LRRC31: variants seen among roughly 807,000 people sequenced by gnomAD.
LRRC31 encodes the protein leucine-rich repeat-containing protein 31.
Under a neutral mutation model 46.7 loss-of-function variants are expected in LRRC31, and 35 were observed. The ratio of observed to expected loss-of-function variants is 0.75; its 90% CI spans 0.57 to 0.99. LRRC31 has a LOEUF of 0.99. Among genes scored for constraint, LRRC31 ranks in the 50% least tolerant of loss-of-function variants. The pLI, the probability that LRRC31 is intolerant of heterozygous loss-of-function variation, is 0.00. For synonymous variants in LRRC31, 236 were observed against 235.1 expected (o/e 1.00, Z -0.03); for missense variants, 613 against 626.1 (o/e 0.98, Z 0.22).
rs757498450 is a variant in LRRC31, at chr3:169,860,726, C to A, written c.322G>T (p.Ala108Ser). The change falls in exon 3 of 9, where the codon GCC becomes TCC. Residue 108 changes from alanine to serine, a missense_variant and splice_region_variant. By Grantham distance (99) the Ala-to-Ser change is moderately conservative. Transcript: ENST00000316428. ...AAGTCTGGGAGAAAAGGCAGCAAGGCAACTAGAAGTGAACAGAAGAAAATA... is the reference window on the plus strand; with the variant it reads ...AAGTCTGGGAGAAAAGGCAGCAAGGAAACTAGAAGTGAACAGAAGAAAATA... ...LTTADMKEMV[A>S]LLPFLPDLEE... The A allele has an allele frequency of 6.2e-7, 1 of 1,613,718 alleles. No homozygotes were observed.
At chr3:169,848,095 C>A (rs767419733) in intron 8 of LRRC31, 25 bp downstream of exon 8, 2 of 1,599,400 alleles carry the variant, frequency 1.3e-6, no homozygotes, top group South Asian at 2.2e-5. Flanking sequence ...TTGCCAAGAC[C>A]GCTTGGGAAC....
chr3:169,867,703 A>T (rs1459213458), intron 1 of LRRC31, among the ~76,000 whole-genome samples: 2 of 152,200 alleles, frequency 1.3e-5, no homozygotes, highest in Non-Finnish European at 2.9e-5. Flanking sequence ...GACTATGGGG[A>T]TTCTTTATTC....
In LRRC31 at chr3:169,848,227, A is replaced by C. The variant is rs904053845; in HGVS notation, c.1220T>G (p.Val407Gly). Reference sequence around the variant, plus strand: ...CAGAAGCAGCTTCAAGTTGCCACCAACACACTTGTTCCAAGAAAGGTTGAA... The same window carrying C: ...CAGAAGCAGCTTCAAGTTGCCACCACCACACTTGTTCCAAGAAAGGTTGAA... ...EVFNLSWNKCVGGNLKLLLET... is the reference protein window; with the variant it reads ...EVFNLSWNKCGGGNLKLLLET... The change falls in exon 8 of 9, where the codon GTT (valine) becomes GGT (glycine). Residue 407 changes from valine to glycine, a missense_variant. Transcript: ENST00000316428. 6.2e-7 allele frequency: 1 copy of C among 1,614,076 alleles called. No homozygotes were observed. Among genetic ancestry groups the C allele is most frequent in the Non-Finnish European group, 8.5e-7 (1 of 1,180,032 alleles).
At chr3:169,860,388 C>T (rs1409703161) in intron 3 of LRRC31, among the ~76,000 whole-genome samples, 173 bp downstream of exon 3, 2 of 151,820 alleles carry the variant, frequency 1.3e-5, no homozygotes, top group African/African-American at 4.8e-5. Flanking sequence ...CCACCACACC[C>T]GGCTAACTTT....
intron 8 of LRRC31, among the ~76,000 whole-genome samples, chr3:169,841,311 G>A (rs982824380): frequency 6.6e-6 from 1 of 152,176 alleles, no homozygotes; most frequent in African/African-American, 2.4e-5. Context: ...CAACAGCCAG[G>A]TCTCCCTTAA....
rs1034662624 is a variant in LRRC31 at position 169,839,916 on chromosome 3, G to A, written c.*66C>T. The stretch of plus-strand genomic sequence containing the variant: ...AAGTTGAAATTCAGTTCATGACTCT[G>A]GAATTCGTTCATGTTCTTTTCCTTT... On this transcript the variant is annotated 3_prime_UTR_variant, in exon 9 of 9. Coordinates refer to ENST00000316428, the MANE Select transcript of LRRC31 (RefSeq NM_024727.4). The A allele has an allele frequency of 1.5e-6, 2 of 1,305,966 alleles. No individual in the cohort carries two copies. The highest frequency in any genetic ancestry group is 1.5e-5 in the African/African-American group (1 of 67,598). 80.9% of individuals were successfully genotyped at this position (1,305,966 alleles called of 1,614,324 possible). A position where few individuals can be genotyped will look rare whatever the true frequency, so the allele number is the denominator to read the frequency against.
chr3:169,857,317 CCT>C lies in LRRC31; in HGVS notation c.488-447_488-446del, dbSNP rs1491346950. On this transcript the variant is annotated intron_variant, in intron 3 of 8. Transcript: ENST00000316428. ...TCTCCAATGTCAAGAATATCACATGCCTATATATATATATATATATATATATA... is the reference window on the plus strand; with the variant it reads ...TCTCCAATGTCAAGAATATCACATGCATATATATATATATATATATATATA... Among the ~76,000 whole-genome samples the C allele has an allele frequency of 5.1e-3, 285 of 55,566 alleles. 5 individuals are homozygous for C. Among genetic ancestry groups the C allele is most frequent in the African/African-American group, 0.017 (268 of 15,422 alleles). 36.5% of individuals were successfully genotyped at this position (55,566 alleles called of 152,430 possible). A position where few individuals can be genotyped will look rare whatever the true frequency, so the allele number is the denominator to read the frequency against.
intron 6 of LRRC31, chr3:169,853,156 T>G: frequency 1.2e-5 from 11 of 935,732 alleles, no homozygotes; most frequent in Non-Finnish European, 1.4e-5. Context: ...CGAAGCTCCC[T>G]GAGAGTTGGG....
rs1203417420 is a variant in LRRC31 at position 169,840,297 on chromosome 3, C to T, written c.1344G>A (p.Thr448=). The change falls in exon 9 of 9, where the codon ACG becomes ACA. Residue 448 remains threonine (T), a synonymous_variant. Transcript: ENST00000316428. ...GCTTTTGCAGTTTGGCCAGATGACC[C>T]GTCTGTATGACCGATGCTGGAAAAC... ...DVALLASVIQ[T]GHLAKLQKLD... is the part of the protein sequence containing the mutation. 7 of 1,614,052 alleles carry T rather than the reference C, an allele frequency of 4.3e-6. No individual in the cohort carries two copies. Among genetic ancestry groups the T allele is most frequent in the African/African-American group, 2.7e-5 (2 of 75,018 alleles).
At chr3:169,844,946 AAAC>A (rs1361084913) in intron 8 of LRRC31, among the ~76,000 whole-genome samples, 3,955 of 143,290 alleles carry the variant, frequency 0.028, 34 homozygotes, top group South Asian at 0.04. Context: ...AAAAAAAAAA[AAAC>A]AAAACAAAAC....
chr3:169,865,852 G>A (rs1478211299), intron 1 of LRRC31, among the ~76,000 whole-genome samples: 2 of 152,028 alleles, frequency 1.3e-5, no homozygotes, highest in South Asian at 2.1e-4. Context: ...GGGATAAGTC[G>A]GGGGGTTGCA....
In LRRC31 at chr3:169,851,678, G is replaced by A. The variant is rs754681175; in HGVS notation, c.1100C>T (p.Ala367Val). 1 of 1,614,172 alleles carries A rather than the reference G, an allele frequency of 6.2e-7. No individual in the cohort carries two copies. The highest frequency in any genetic ancestry group is 1.1e-5 in the South Asian group (1 of 91,088). ...NLLSRLRFLP[A>V]LKSLVINNCA... is the part of the protein sequence containing the mutation. Reference sequence around the variant, plus strand: ...GTTGTTGATAACTAATGACTTCAATGCTGGTAAAAATCGGAGCCTGCTGAG... The same window carrying A: ...GTTGTTGATAACTAATGACTTCAATACTGGTAAAAATCGGAGCCTGCTGAG... Residue 367 changes from alanine to valine, a missense_variant, in exon 7 of 9, where the codon GCA (alanine) becomes GTA (valine). By Grantham distance (64) the Ala-to-Val change is moderately conservative. Transcript: ENST00000316428.
intron 8 of LRRC31, among the ~76,000 whole-genome samples, chr3:169,845,967 T>TA (rs1335958838): frequency 6.6e-6 from 1 of 152,182 alleles, no homozygotes; most frequent in African/African-American, 2.4e-5. Flanking sequence ...ATAAAGGACT[T>TA]ACTTGTATTC....
chr3:169,849,348 T>C (rs1030774728), intron 7 of LRRC31, among the ~76,000 whole-genome samples: 1 of 152,232 alleles, frequency 6.6e-6, no homozygotes, highest in Non-Finnish European at 1.5e-5. Flanking sequence ...ATGGTAGATT[T>C]ATGTCAGATG....
intron 6 of LRRC31, chr3:169,853,716 A>G: frequency 1.0e-6 from 1 of 984,072 alleles, no homozygotes; most frequent in Non-Finnish European, 1.2e-6. Context: ...CATTTTCCCA[A>G]ATTGAGAGAT....
chr3:169,860,517 G>A (rs773487011), intron 3 of LRRC31, 44 bp downstream of exon 3: 22 of 1,605,972 alleles, frequency 1.4e-5, no homozygotes, highest in Admixed American at 6.7e-5. Flanking sequence ...TGTGAGCCAC[G>A]GCGCCCGGCC....
intron 7 of LRRC31, among the ~76,000 whole-genome samples, chr3:169,850,910 A>C (rs1780743541): frequency 6.6e-6 from 1 of 152,122 alleles, no homozygotes. Flanking sequence ...TAGTTTGTGC[A>C]CACAGTGCTG....
intron 5 of LRRC31, 29 bp from the exon 6 acceptor site, chr3:169,855,009 G>T: frequency 6.3e-7 from 1 of 1,589,304 alleles, no homozygotes; most frequent in Non-Finnish European, 8.6e-7. Context: ...TCCCATTCTG[G>T]TAGCTGGACA....
At chr3:169,843,668 T>C (rs1576780392) in intron 8 of LRRC31, among the ~76,000 whole-genome samples, 1 of 152,376 alleles carries the variant, frequency 6.6e-6, no homozygotes, top group East Asian at 1.9e-4. Flanking sequence ...GATATTGTTT[T>C]AATCCACAAA....
Sources: allele counts gnomAD v4.1 joint callset (sites outside exome capture counted in the v4.1 genomes callset), GRCh38; gene constraint gnomAD v4.1.1; transcripts MANE v1.5; gene names NCBI Gene and HGNC (gene_info 2026-07-23, HGNC 2026-07-21).